The following ARB2A variants were observed in gnomAD, a reference collection of about 807,000 sequenced individuals.
The protein encoded by ARB2A is cotranscriptional regulator ARB2A.
chr5:93,805,688 T>C, the ARB2A span: 1 of 985,170 alleles, frequency 1.0e-6, no homozygotes, highest in Non-Finnish European at 1.2e-6. Flanking sequence ...AATACAGCAA[T>C]TTTGACTAAA....
At chr5:93,926,641 A>G in the ARB2A span, among the ~76,000 whole-genome samples, 1 of 152,198 alleles carries the variant, frequency 6.6e-6, no homozygotes, top group African/African-American at 2.4e-5. Context: ...GCTATGGTGG[A>G]TGCGATAAAA....
chr5:93,876,364 C>T, the ARB2A span, among the ~76,000 whole-genome samples: 2 of 152,008 alleles, frequency 1.3e-5, no homozygotes, highest in Admixed American at 1.3e-4. Flanking sequence ...ATGTGTATTG[C>T]CTAGACCAAA....
the ARB2A span, among the ~76,000 whole-genome samples, chr5:93,655,972 T>A: frequency 6.6e-6 from 1 of 152,220 alleles, no homozygotes; most frequent in Non-Finnish European, 1.5e-5. Context: ...TTGGCTCATG[T>A]TTATTGTCCC....
At chr5:93,784,338 G>A in the ARB2A span, 1 of 1,399,414 alleles carries the variant, frequency 7.1e-7, no homozygotes, top group Non-Finnish European at 1.0e-6. Context: ...AAGATATAAA[G>A]GCTCACACCC....
the ARB2A span, among the ~76,000 whole-genome samples, chr5:93,697,529 AC>A: frequency 8.5e-5 from 13 of 152,130 alleles, no homozygotes; most frequent in African/African-American, 2.7e-4. Flanking sequence ...ATTCTTCTTT[AC>A]TTCTTATATA....
chr5:93,849,594 T>A, the ARB2A span, among the ~76,000 whole-genome samples: 1 of 152,116 alleles, frequency 6.6e-6, no homozygotes, highest in Non-Finnish European at 1.5e-5. Flanking sequence ...AATCTGAGTA[T>A]GAATAAGACT....
the ARB2A span, among the ~76,000 whole-genome samples, chr5:93,803,127 G>C: frequency 2.6e-4 from 39 of 152,158 alleles, no homozygotes; most frequent in Middle Eastern, 6.8e-3. Flanking sequence ...ATAGTGAAAA[G>C]TCAAATTTGT....
the ARB2A span, among the ~76,000 whole-genome samples, chr5:93,916,652 T>G: frequency 6.6e-6 from 1 of 152,132 alleles, no homozygotes; most frequent in Non-Finnish European, 1.5e-5. Flanking sequence ...GAGCATTAGA[T>G]AGCTTATGTA....
At chr5:93,947,569 GGTTA>G in the ARB2A span, among the ~76,000 whole-genome samples, 2 of 151,132 alleles carry the variant, frequency 1.3e-5, no homozygotes, top group East Asian at 3.9e-4. Context: ...ACAATGTGCA[GGTTA>G]GTTACGTATG....
At chr5:94,058,168 C>T in the ARB2A span, among the ~76,000 whole-genome samples, 1 of 151,612 alleles carries the variant, frequency 6.6e-6, no homozygotes, top group African/African-American at 2.4e-5. Flanking sequence ...AAAAACAAGC[C>T]TCCAAGAAAA....
chr5:93,693,455 A>G, the ARB2A span, among the ~76,000 whole-genome samples: 1 of 152,216 alleles, frequency 6.6e-6, no homozygotes, highest in South Asian at 2.1e-4. Context: ...AAAATATAGA[A>G]GAAATGGATA....
chr5:93,629,752 G>T, the ARB2A span, among the ~76,000 whole-genome samples: 2 of 152,096 alleles, frequency 1.3e-5, no homozygotes, highest in East Asian at 3.8e-4. Flanking sequence ...AAAGGAGGCA[G>T]GAAACTAGAA....
the ARB2A span, among the ~76,000 whole-genome samples, chr5:93,726,497 CTGTT>C: frequency 6.6e-6 from 1 of 151,902 alleles, no homozygotes; most frequent in African/African-American, 2.4e-5. Context: ...GGTACTCTGC[CTGTT>C]TGTTTGAAAA....
the ARB2A span, among the ~76,000 whole-genome samples, chr5:93,879,643 T>A: frequency 6.6e-6 from 1 of 151,032 alleles, no homozygotes; most frequent in African/African-American, 2.4e-5. Flanking sequence ...AAAAACAGAA[T>A]AAAGAAAATG....
the ARB2A span, among the ~76,000 whole-genome samples, chr5:94,030,251 T>C: frequency 6.6e-6 from 1 of 152,198 alleles, no homozygotes; most frequent in Non-Finnish European, 1.5e-5. Flanking sequence ...GAAGTCTGGG[T>C]TGATTCCACT....
chr5:94,084,226 A>G, the ARB2A span, among the ~76,000 whole-genome samples: 1 of 146,868 alleles, frequency 6.8e-6, no homozygotes, highest in Non-Finnish European at 1.5e-5. Context: ...GGGAGCACAG[A>G]TTGCACTACT....
At chr5:93,704,589 CAG>C in the ARB2A span, among the ~76,000 whole-genome samples, 2 of 152,110 alleles carry the variant, frequency 1.3e-5, no homozygotes, top group African/African-American at 2.4e-5. Flanking sequence ...AACAAACAAA[CAG>C]AAAACCCCAA....
chr5:93,730,486 T>G, the ARB2A span, among the ~76,000 whole-genome samples: 1 of 152,182 alleles, frequency 6.6e-6, no homozygotes, highest in African/African-American at 2.4e-5. Context: ...CTGTATTATT[T>G]AATGGTTGAT....
chr5:94,025,598 G>A, the ARB2A span, among the ~76,000 whole-genome samples: 2,413 of 152,236 alleles, frequency 0.016, 64 homozygotes, highest in African/African-American at 0.054. Context: ...AGACCTAAGC[G>A]AAACCAATAG....
Sources: allele counts gnomAD v4.1 joint callset (sites outside exome capture counted in the v4.1 genomes callset), GRCh38; gene constraint gnomAD v4.1.1; transcripts MANE v1.5; gene names NCBI Gene and HGNC (gene_info 2026-07-23, HGNC 2026-07-21).